LYST: variants seen among roughly 807,000 people sequenced by gnomAD.
The protein encoded by LYST is lysosomal-trafficking regulator.
A neutral mutation model predicts 413.6 loss-of-function variants in LYST; 192 were observed. That is an observed-to-expected ratio of 0.46 (90% CI 0.41 to 0.52). The LOEUF (loss-of-function observed/expected upper bound fraction) is 0.52. Ranked by LOEUF, LYST falls within the 20% of genes least tolerant of loss-of-function variation. The pLI, the probability that LYST is intolerant of heterozygous loss-of-function variation, is 0.00. For missense variants in LYST, 3,815 were observed against 4,499.9 expected, an observed-to-expected ratio of 0.85 and a Z score of 4.35; for synonymous variants, 1,525 against 1,567.3, an observed-to-expected ratio of 0.97 and a Z score of 0.64.
intron 37 of LYST, among the ~76,000 whole-genome samples, chr1:235,728,417 G>C (rs1426766756): frequency 1.3e-5 from 2 of 152,090 alleles, no homozygotes; most frequent in African/African-American, 4.8e-5. Context: ...ATGCATATGT[G>C]CTCAGTGCTA....
At chr1:235,733,110 G>T (rs529722608) in intron 34 of LYST, among the ~76,000 whole-genome samples, 50 of 152,164 alleles carry the variant, frequency 3.3e-4, no homozygotes, top group Non-Finnish European at 6.0e-4. Context: ...AAAGTCACAT[G>T]AATAAGTTAT....
At chr1:235,788,550 G>A (rs1572260225) in intron 13 of LYST, 151 bp downstream of exon 13, 2 of 697,110 alleles carry the variant, frequency 2.9e-6, no homozygotes, top group African/African-American at 1.8e-5. Flanking sequence ...TTATAAAAGT[G>A]GTATTAATAG....
chr1:235,740,193 CTAATA>C (rs1340290439), intron 31 of LYST, among the ~76,000 whole-genome samples: 13 of 152,120 alleles, frequency 8.5e-5, no homozygotes, highest in Non-Finnish European at 1.5e-4. Context: ...GTTTTGACTC[CTAATA>C]TGATATGTGT....
At chr1:235,695,925 G>T (rs552335254) in intron 46 of LYST, among the ~76,000 whole-genome samples, 1 of 151,976 alleles carries the variant, frequency 6.6e-6, no homozygotes, top group Non-Finnish European at 1.5e-5. Flanking sequence ...TTGAGCCACC[G>T]CACCCAGCCT....
intron 21 of LYST, among the ~76,000 whole-genome samples, chr1:235,763,595 C>T (rs1667812095): frequency 6.6e-6 from 1 of 151,940 alleles, no homozygotes; most frequent in Non-Finnish European, 1.5e-5. Context: ...GGATTACAGG[C>T]ATGTGCCACC....
At chr1:235,733,987 T>A in intron 32 of LYST, 81 bp from the exon 33 acceptor site, 1 of 700,558 alleles carries the variant, frequency 1.4e-6, no homozygotes, top group South Asian at 2.1e-5. Context: ...ACAAACTAAT[T>A]TTAAAACCCA....
intron 49 of LYST, 127 bp downstream of exon 49, chr1:235,677,353 C>T (rs1659463084): frequency 1.7e-6 from 2 of 1,175,770 alleles, no homozygotes; most frequent in Non-Finnish European, 2.5e-6. Flanking sequence ...ATCTTACTAC[C>T]TTTAAGCATG....
chr1:235,737,916 A>ATTAAT, intron 31 of LYST: 17 of 1,163,406 alleles, frequency 1.5e-5, no homozygotes, highest in African/African-American at 1.6e-5. Context: ...GCTGCCGACG[A>ATTAAT]GTCTGGATCT....
At chr1:235,764,591 C>G (rs1667944600) in intron 21 of LYST, among the ~76,000 whole-genome samples, 1 of 150,596 alleles carries the variant, frequency 6.6e-6, no homozygotes, top group Non-Finnish European at 1.5e-5. Flanking sequence ...CCACCGCTTC[C>G]CGGGTTCAAG....
At chr1:235,748,386 A>C (rs563371575) in intron 28 of LYST, among the ~76,000 whole-genome samples, 2 of 152,290 alleles carry the variant, frequency 1.3e-5, no homozygotes, top group East Asian at 1.9e-4. Flanking sequence ...GCAAAAACCA[A>C]GCAAAAAAAC....
chr1:235,714,762 T>A (rs1239442979), intron 42 of LYST, among the ~76,000 whole-genome samples: 1 of 152,224 alleles, frequency 6.6e-6, no homozygotes, highest in Admixed American at 6.5e-5. Context: ...CCGGTGTGCG[T>A]CTTTTATTAA....
intron 2 of LYST, 57 bp downstream of exon 2, chr1:235,833,521 A>G: frequency 3.4e-6 from 1 of 298,282 alleles, no homozygotes; most frequent in Non-Finnish European, 5.0e-6. Context: ...ATAATTATGT[A>G]GTTTCAAGCC....
chr1:235,860,381 G>A (rs1048332205), intron 1 of LYST, among the ~76,000 whole-genome samples: 1 of 152,066 alleles, frequency 6.6e-6, no homozygotes, highest in African/African-American at 2.4e-5. Context: ...TTTACATTAG[G>A]ATTCACTCTT....
intron 41 of LYST, among the ~76,000 whole-genome samples, chr1:235,716,230 A>T (rs1662827120): frequency 6.6e-6 from 1 of 152,234 alleles, no homozygotes. Context: ...TTCCAATAGA[A>T]TTTCATTAAT....
intron 13 of LYST, 64 bp from the exon 14 acceptor site, chr1:235,787,437 A>G (rs1166965209): frequency 1.7e-6 from 2 of 1,193,144 alleles, no homozygotes; most frequent in Non-Finnish European, 2.5e-6. Context: ...TGTTTAACAT[A>G]CATATAGTAA....
chr1:235,767,912 T>C (rs1021301399), intron 20 of LYST, among the ~76,000 whole-genome samples: 1 of 152,250 alleles, frequency 6.6e-6, no homozygotes, highest in Non-Finnish European at 1.5e-5. Context: ...CTTCTCTACA[T>C]GTTCTTCCCC....
chr1:235,834,799 T>C (rs1676385991), intron 1 of LYST, among the ~76,000 whole-genome samples: 1 of 152,174 alleles, frequency 6.6e-6, no homozygotes, highest in South Asian at 2.1e-4. Flanking sequence ...CTCATTCCTC[T>C]GGCAGAGCAC....
At position 235,806,809 on chromosome 1, in the gene LYST, A is replaced by G. The variant is rs534596595; in HGVS notation, c.2364-37T>C. 30 of 1,355,658 alleles carry G rather than the reference A, an allele frequency of 2.2e-5. No individual in the cohort carries two copies. The African/African-American group carries it at 4.0e-4, about 18-fold the overall frequency. The allele number at this position is 1,355,658 out of a possible 1,614,324, so 84.0% of individuals were successfully genotyped here. A position where few individuals can be genotyped will look rare whatever the true frequency, so the allele number is the denominator to read the frequency against. ...AAAAAGCATGTAAAAAGGTTTAAAT[A>G]AAGAAACATCATTTATAAATAGGTA... On this transcript the variant is annotated intron_variant, in intron 5 of 52. Coordinates refer to ENST00000389793, the MANE Select transcript of LYST (RefSeq NM_000081.4).
At chr1:235,671,555 T>C (rs986424293) in intron 50 of LYST, among the ~76,000 whole-genome samples, 2 of 152,136 alleles carry the variant, frequency 1.3e-5, no homozygotes, top group African/African-American at 4.8e-5. Flanking sequence ...TTTGAAGAGA[T>C]AACATATGCA....
Sources: allele counts gnomAD v4.1 joint callset (sites outside exome capture counted in the v4.1 genomes callset), GRCh38; gene constraint gnomAD v4.1.1; transcripts MANE v1.5; gene names NCBI Gene and HGNC (gene_info 2026-07-23, HGNC 2026-07-21).